CSMD2: variants seen among roughly 807,000 people sequenced by gnomAD.
CSMD2 encodes CUB and sushi domain-containing protein 2.
CSMD2 carries 130 observed loss-of-function variants against 398.5 expected under a neutral mutation model. The ratio of observed to expected loss-of-function variants is 0.33; its 90% CI spans 0.28 to 0.38. The LOEUF (loss-of-function observed/expected upper bound fraction) is 0.38, where lower values mean the gene tolerates loss of function less well. Among genes scored for constraint, CSMD2 ranks in the 10% least tolerant of loss-of-function variants. The probability of loss-of-function intolerance (pLI) is 1.00; values close to 1 mark genes in which losing one functional copy is unlikely to be tolerated. For missense variants in CSMD2, 3,829 were observed against 4,764.9 expected, an observed-to-expected ratio of 0.80 and a Z score of 5.78; for synonymous variants, 1,828 against 1,908.5, an observed-to-expected ratio of 0.96 and a Z score of 1.10.
chr1:33,698,720 C>G lies in CSMD2; in HGVS notation c.3925+33G>C, dbSNP rs771676624. 1.1e-5 allele frequency: 17 copies of G among 1,588,434 alleles called. 1 individual carries two copies. Among genetic ancestry groups the G allele is most frequent in the Non-Finnish European group, 8.6e-7 (1 of 1,166,484 alleles). ...CTAGAGCTTGGTATTATGGGAGACC[C>G]AAGGGTTCCCTGCAGAGGAAGAGCC... On this transcript the variant is annotated intron_variant, in intron 24 of 70. Coordinates refer to ENST00000373381, the MANE Select transcript of CSMD2 (RefSeq NM_001281956.2).
intron 21 of CSMD2, among the ~76,000 whole-genome samples, chr1:33,713,340 C>T (rs1182097720): frequency 6.6e-6 from 1 of 152,176 alleles, no homozygotes; most frequent in African/African-American, 2.4e-5. Context: ...GATGCTGGTC[C>T]CTGTTTCAGT....
intron 12 of CSMD2, among the ~76,000 whole-genome samples, chr1:33,776,682 G>C (rs1652021165): frequency 6.6e-6 from 1 of 152,130 alleles, no homozygotes; most frequent in Admixed American, 6.5e-5. Flanking sequence ...AGGATTGACT[G>C]AGTGAGGGGG....
intron 44 of CSMD2, among the ~76,000 whole-genome samples, chr1:33,595,557 G>C (rs1012942404): frequency 6.6e-6 from 1 of 152,142 alleles, no homozygotes; most frequent in Admixed American, 6.5e-5. Flanking sequence ...TTTAATGTCT[G>C]CGTGGATATA....
At chr1:33,802,700 C>G (rs756485876) in intron 10 of CSMD2, among the ~76,000 whole-genome samples, 3 of 152,186 alleles carry the variant, frequency 2.0e-5, no homozygotes, top group Non-Finnish European at 2.9e-5. Context: ...CCTTTCAGCT[C>G]CTTCTAACAA....
At chr1:34,106,320 C>T (rs1257096468) in intron 1 of CSMD2, among the ~76,000 whole-genome samples, 1 of 152,156 alleles carries the variant, frequency 6.6e-6, no homozygotes, top group Non-Finnish European at 1.5e-5. Flanking sequence ...AAGGGGCCAA[C>T]ATTTCTGTGG....
At chr1:34,102,636 G>A (rs9700291) in intron 1 of CSMD2, among the ~76,000 whole-genome samples, 3 of 54,276 alleles carry the variant, frequency 5.5e-5, no homozygotes, top group African/African-American at 2.1e-4. Flanking sequence ...CTGTAATCCG[G>A]CCATATCCCT....
At chr1:33,667,873 C>G (rs950721087) in intron 25 of CSMD2, among the ~76,000 whole-genome samples, 9 of 152,174 alleles carry the variant, frequency 5.9e-5, no homozygotes, top group Admixed American at 5.9e-4. Flanking sequence ...ATGCGGGGTG[C>G]TGCTGTATAA....
At chr1:33,764,444 G>A (rs1235166105) in intron 13 of CSMD2, among the ~76,000 whole-genome samples, 3 of 152,154 alleles carry the variant, frequency 2.0e-5, no homozygotes, top group Non-Finnish European at 2.9e-5. Context: ...TCTGCAGAGC[G>A]GGCACCCCCT....
chr1:33,876,836 G>A (rs777720389), intron 5 of CSMD2, among the ~76,000 whole-genome samples: 1 of 152,156 alleles, frequency 6.6e-6, no homozygotes, highest in Non-Finnish European at 1.5e-5. Flanking sequence ...ACTTTTGCTT[G>A]TGAATGGGTC....
At chr1:33,786,384 T>C (rs1226560771) in intron 12 of CSMD2, among the ~76,000 whole-genome samples, 4 of 152,144 alleles carry the variant, frequency 2.6e-5, no homozygotes, top group Admixed American at 6.5e-5. Flanking sequence ...CCATCTCCAT[T>C]CCCCTTTTCA....
intron 1 of CSMD2, among the ~76,000 whole-genome samples, chr1:34,105,863 A>G (rs1224374787): frequency 1.3e-5 from 2 of 152,200 alleles, no homozygotes; most frequent in African/African-American, 4.8e-5. Flanking sequence ...TGACAAATTC[A>G]CAGGTACTGC....
chr1:33,759,120 T>C (rs1649442184), intron 13 of CSMD2, among the ~76,000 whole-genome samples: 1 of 152,126 alleles, frequency 6.6e-6, no homozygotes, highest in Non-Finnish European at 1.5e-5. Context: ...GATAAGGTGG[T>C]TAGAGATGGT....
intron 6 of CSMD2, chr1:33,838,646 A>G (rs1660552856): frequency 1.3e-5 from 2 of 152,274 alleles, no homozygotes; most frequent in African/African-American, 4.8e-5. Context: ...TAATGCTTCA[A>G]GGTACAGACC....
intron 48 of CSMD2, among the ~76,000 whole-genome samples, chr1:33,577,819 GA>G (rs1638396422): frequency 1.3e-5 from 2 of 152,316 alleles, no homozygotes; most frequent in South Asian, 4.1e-4. Flanking sequence ...TTAGAAAGTA[GA>G]ACCCAATGGG....
In CSMD2 at chr1:33,658,037, G is replaced by T; in HGVS notation, c.4356C>A (p.Asp1452Glu). Residue 1452 changes from aspartate (D) to glutamate (E), a missense_variant, in exon 27 of 71, where the codon GAC becomes GAA. Physicochemically the swap from Asp to Glu is conservative, Grantham distance 45 (BLOSUM62 2). Coordinates refer to ENST00000373381, the MANE Select transcript of CSMD2 (RefSeq NM_001281956.2). ...CACTTCCCTGCAGCGCGTAGCCAGG[G>T]TCACACTGGAACACTGTGGAGTCGC... ...EAGDSTVFQC[D>E]PGYALQGSAE... 1 of 1,614,208 alleles carries T rather than the reference G, an allele frequency of 6.2e-7. No individual in the cohort carries two copies. Among genetic ancestry groups the T allele is most frequent in the Non-Finnish European group, 8.5e-7 (1 of 1,180,022 alleles).
At chr1:33,722,840 G>A (rs1277270870) in intron 19 of CSMD2, among the ~76,000 whole-genome samples, 2 of 151,922 alleles carry the variant, frequency 1.3e-5, no homozygotes, top group Non-Finnish European at 2.9e-5. Context: ...GCCCACCTGA[G>A]GTTAGAGATT....
At chr1:34,013,933 C>G (rs1369392044) in intron 3 of CSMD2, among the ~76,000 whole-genome samples, 1 of 152,184 alleles carries the variant, frequency 6.6e-6, no homozygotes, top group Non-Finnish European at 1.5e-5. Context: ...TCACACCTAA[C>G]AGTCTGAACT....
intron 55 of CSMD2, among the ~76,000 whole-genome samples, chr1:33,552,513 T>C (rs1386655718): frequency 2.0e-5 from 3 of 152,184 alleles, no homozygotes; most frequent in Admixed American, 6.5e-5. Flanking sequence ...AGTCCCAAAG[T>C]GGAAATGTTC....
At chr1:33,690,209 A>C (rs189770433) in intron 25 of CSMD2, among the ~76,000 whole-genome samples, 1 of 152,092 alleles carries the variant, frequency 6.6e-6, no homozygotes, top group East Asian at 1.9e-4. Flanking sequence ...CACCCACCAA[A>C]TCGCAGGTGA....
Sources: gnomAD v4.1 joint callset for allele counts (sites outside exome capture counted in the v4.1 genomes callset) on GRCh38, gnomAD v4.1.1 for gene constraint, MANE v1.5 for transcripts, NCBI Gene and HGNC (gene_info 2026-07-23, HGNC 2026-07-21) for gene names.